SOCS6: variants seen among roughly 807,000 people sequenced by gnomAD.
SOCS6 encodes suppressor of cytokine signaling 6.
Under a neutral mutation model 27.7 loss-of-function variants are expected in SOCS6, and 5 were observed. That is an observed-to-expected ratio of 0.18 (90% CI 0.09 to 0.38). The LOEUF (loss-of-function observed/expected upper bound fraction) is 0.38. SOCS6 is among the 10% of genes least tolerant of loss of function. The pLI is 1.00. For missense variants in SOCS6, 595 were observed against 688.1 expected (o/e 0.86, Z 1.51); for synonymous variants, 271 against 260.0 (o/e 1.04, Z -0.41).
intron 1 of SOCS6, among the ~76,000 whole-genome samples, chr18:70,323,608 G>A (rs1284822772): frequency 1.3e-5 from 2 of 152,172 alleles, no homozygotes; most frequent in Admixed American, 6.5e-5. Context: ...CAACCTGCGC[G>A]CATTGAGCTT....
At position 70,327,253 on chromosome 18, in the gene SOCS6, C is replaced by G. The variant is rs955975622; in HGVS notation, c.*977C>G. On this transcript the variant is annotated 3_prime_UTR_variant, in exon 2 of 2. Coordinates refer to ENST00000397942, the MANE Select transcript of SOCS6 (RefSeq NM_004232.4). ...CTAATTTTCATAAATGGACTGGATT[C>G]TCTTGCAACATTAATGTTTATAAAA... 2 of 166,796 alleles carry G rather than the reference C, an allele frequency of 1.2e-5. No homozygotes were observed. Among genetic ancestry groups the G allele is most frequent in the East Asian group, 1.9e-4 (1 of 5,200 alleles). The allele number at this position is 166,796 out of a possible 1,614,324, so 10.3% of individuals were successfully genotyped here.
chr18:70,300,958 C>T (rs1028445981), intron 1 of SOCS6, among the ~76,000 whole-genome samples: 3 of 152,144 alleles, frequency 2.0e-5, no homozygotes, highest in Non-Finnish European at 2.9e-5. Flanking sequence ...GCTAAGGGCC[C>T]TGAAAGAAGT....
intron 1 of SOCS6, among the ~76,000 whole-genome samples, chr18:70,294,101 A>G (rs548646728): frequency 5.3e-5 from 8 of 151,448 alleles, no homozygotes; most frequent in Admixed American, 2.0e-4. Context: ...AAAAAAAAAA[A>G]AAAGAAAGAA....
intron 1 of SOCS6, among the ~76,000 whole-genome samples, chr18:70,305,420 T>G (rs1412979829): frequency 6.6e-6 from 1 of 152,258 alleles, no homozygotes; most frequent in African/African-American, 2.4e-5. Context: ...TGTAAGGATT[T>G]ATTTCCAGAC....
intron 1 of SOCS6, among the ~76,000 whole-genome samples, chr18:70,319,243 T>C (rs1910886852): frequency 6.6e-6 from 1 of 152,180 alleles, no homozygotes; most frequent in Non-Finnish European, 1.5e-5. Flanking sequence ...TGGAGTAGAA[T>C]CTAAGAAACT....
intron 1 of SOCS6, among the ~76,000 whole-genome samples, chr18:70,296,242 G>A (rs1340700185): frequency 6.6e-6 from 1 of 152,136 alleles, no homozygotes; most frequent in Non-Finnish European, 1.5e-5. Context: ...AGTATTTGGT[G>A]TATGCCTGGC....
chr18:70,321,303 A>G (rs1400130024), intron 1 of SOCS6, among the ~76,000 whole-genome samples: 1 of 118,682 alleles, frequency 8.4e-6, no homozygotes, highest in Admixed American at 9.7e-5. Context: ...TAAATAACAA[A>G]TTTTCTCAGT....
intron 1 of SOCS6, among the ~76,000 whole-genome samples, chr18:70,291,180 C>G (rs770809876): frequency 6.6e-6 from 1 of 152,160 alleles, no homozygotes; most frequent in Non-Finnish European, 1.5e-5. Context: ...AATCATGGCT[C>G]ACTGCAGCCT....
In SOCS6 at chr18:70,330,033, T is replaced by C. The variant is rs1220456525; in HGVS notation, c.*3757T>C. On this transcript the variant is annotated 3_prime_UTR_variant, in exon 2 of 2. Transcript: ENST00000397942. Reference sequence around the variant, plus strand: ...CAAATCAGGTGTGTACCATTTGTACTGAGAACACCACAGAATGAATTATCC... The same window carrying C: ...CAAATCAGGTGTGTACCATTTGTACCGAGAACACCACAGAATGAATTATCC... 2 of 167,240 alleles carry C rather than the reference T, an allele frequency of 1.2e-5. No individual in the cohort carries two copies. The highest frequency in any genetic ancestry group is 4.1e-4 in the South Asian group (2 of 4,824). 10.4% of individuals were successfully genotyped at this position (167,240 alleles called of 1,614,324 possible). A position where few individuals can be genotyped will look rare whatever the true frequency, so the allele number is the denominator to read the frequency against.
chr18:70,294,332 G>A (rs2062314022), intron 1 of SOCS6, among the ~76,000 whole-genome samples: 2 of 152,030 alleles, frequency 1.3e-5, no homozygotes, highest in Middle Eastern at 3.4e-3. Flanking sequence ...GTAGGAGTCC[G>A]TTTTTCTTGT....
Position 70,307,993 on chromosome 18 carries a change from A to G in SOCS6, c.-126-16550A>G, listed in dbSNP as rs529878308. 3.9e-5 allele frequency among the ~76,000 whole-genome samples: 6 copies of G among 152,306 alleles called. No individual in the cohort carries two copies. In the East Asian group the frequency reaches 1.2e-3, roughly 29 times the overall value. ...TTTTCCTAAGCACTACTTTAGCCAC[A>G]TCCCATAAATTTGTGTATGTTTTGT... is the stretch of plus-strand genomic sequence containing the variant. On this transcript the variant is annotated intron_variant, in intron 1 of 1. Transcript: ENST00000397942.
In SOCS6 at chr18:70,329,992, CT is replaced by C. The variant is rs2146307858; in HGVS notation, c.*3721del. Reference sequence around the variant, plus strand: ...GCAATTCAGATTGCGGTAGTTTACACTTTTTCTGTATGTTTCAAATCAGGTG... The same window carrying C: ...GCAATTCAGATTGCGGTAGTTTACACTTTTCTGTATGTTTCAAATCAGGTG... On this transcript the variant is annotated 3_prime_UTR_variant, in exon 2 of 2. Transcript: ENST00000397942. 6.0e-6 allele frequency: 1 copy of C among 167,166 alleles called. No individual in the cohort carries two copies. The highest frequency in any genetic ancestry group is 6.5e-5 in the Admixed American group (1 of 15,294). 10.4% of individuals were successfully genotyped at this position (167,166 alleles called of 1,614,324 possible).
At chr18:70,323,043 C>T (rs73455209) in intron 1 of SOCS6, among the ~76,000 whole-genome samples, 35 of 152,294 alleles carry the variant, frequency 2.3e-4, no homozygotes, top group African/African-American at 7.7e-4. Flanking sequence ...AGGGCTGAGC[C>T]AAGCTGACTC....
At chr18:70,307,520 T>C (rs2062374357) in intron 1 of SOCS6, among the ~76,000 whole-genome samples, 1 of 152,216 alleles carries the variant, frequency 6.6e-6, no homozygotes, top group South Asian at 2.1e-4. Flanking sequence ...ATTCATTCCT[T>C]ACTCGTTATA....
At chr18:70,315,061 T>C (rs886864192) in intron 1 of SOCS6, among the ~76,000 whole-genome samples, 4 of 152,158 alleles carry the variant, frequency 2.6e-5, no homozygotes, top group Non-Finnish European at 4.4e-5. Context: ...GGATATACCT[T>C]ATCTAGTTGA....
chr18:70,298,022 T>A (rs1291134589), intron 1 of SOCS6, among the ~76,000 whole-genome samples: 1 of 152,230 alleles, frequency 6.6e-6, no homozygotes, highest in African/African-American at 2.4e-5. Context: ...TGTGTTGATC[T>A]GAAGGCTCTG....
At position 70,329,580 on chromosome 18, in the gene SOCS6, AAATCTTAATT is replaced by A; in HGVS notation, c.*3305_*3314del. On this transcript the variant is annotated 3_prime_UTR_variant, in exon 2 of 2. Coordinates refer to ENST00000397942, the MANE Select transcript of SOCS6 (RefSeq NM_004232.4). ...GAATCGGAATAATACATTTTCATTT[AAATCTTAATT>A]GCTTTTCATTAAATGCGAAGTCTTA... 6.0e-6 allele frequency: 1 copy of A among 167,114 alleles called. No homozygotes were observed. Among genetic ancestry groups the A allele is most frequent in the Non-Finnish European group, 1.5e-5 (1 of 68,122 alleles). The allele number at this position is 167,114 out of a possible 1,614,324, so 10.4% of individuals were successfully genotyped here. A position where few individuals can be genotyped will look rare whatever the true frequency, so the allele number is the denominator to read the frequency against.
At chr18:70,302,454 G>A (rs190058564) in intron 1 of SOCS6, among the ~76,000 whole-genome samples, 17 of 152,196 alleles carry the variant, frequency 1.1e-4, no homozygotes, top group Admixed American at 7.9e-4. Context: ...ACCCACCTGC[G>A]GGTCATGGCC....
chr18:70,292,629 C>T (rs41338145), intron 1 of SOCS6, among the ~76,000 whole-genome samples: 10,432 of 152,206 alleles, frequency 0.069, 400 homozygotes, highest in Middle Eastern at 0.13. Context: ...ATTGCAGGCA[C>T]GAGCCACTGT....
Sources: gnomAD v4.1 joint callset for allele counts (sites outside exome capture counted in the v4.1 genomes callset) on GRCh38, gnomAD v4.1.1 for gene constraint, MANE v1.5 for transcripts, NCBI Gene and HGNC (gene_info 2026-07-23, HGNC 2026-07-21) for gene names.